NCAM1: variants seen among roughly 807,000 people sequenced by gnomAD.
NCAM1 encodes the protein antigen recognized by monoclonal antibody 5.1H11.
A neutral mutation model predicts 109.8 loss-of-function variants in NCAM1; 14 were observed. The ratio of observed to expected loss-of-function variants is 0.13; its 90% CI spans 0.08 to 0.20. The LOEUF is 0.20. Among genes scored for constraint, NCAM1 ranks in the 10% least tolerant of loss-of-function variants. NCAM1 has a pLI of 1.00. For missense variants in NCAM1, 774 were observed against 1,109.9 expected, an observed-to-expected ratio of 0.70 and a Z score of 4.30; for synonymous variants, 418 against 442.9, an observed-to-expected ratio of 0.94 and a Z score of 0.70.
chr11:113,246,430 C>T (rs1945506027), intron 15 of NCAM1, 60 bp downstream of exon 15: 1 of 715,182 alleles, frequency 1.4e-6, no homozygotes, highest in East Asian at 2.6e-5. Flanking sequence ...GCACATAGGG[C>T]ACACTCATTT....
At chr11:113,001,835 T>C (rs1332708392) in intron 1 of NCAM1, among the ~76,000 whole-genome samples, 2 of 152,164 alleles carry the variant, frequency 1.3e-5, no homozygotes, top group Non-Finnish European at 2.9e-5. Flanking sequence ...AGGTGCAGTA[T>C]TTTAGACATG....
chr11:112,961,683 T>A lies in NCAM1; in HGVS notation c.52+19T>A, dbSNP rs73002342. On this transcript the variant is annotated intron_variant, in intron 1 of 19. Coordinates refer to ENST00000316851, the MANE Select transcript of NCAM1 (RefSeq NM_181351.5). Reference sequence around the variant, plus strand: ...ACTGCAGGTACATTTTTTTTTTTTTTAATTCTCAATCTGGTTTGCTAATTA... The same window carrying A: ...ACTGCAGGTACATTTTTTTTTTTTTAAATTCTCAATCTGGTTTGCTAATTA... The A allele has an allele frequency of 0.079, 106,075 of 1,350,254 alleles. 3,950 individuals are homozygous for A. Among genetic ancestry groups the A allele is most frequent in the Non-Finnish European group, 0.09 (86,954 of 962,968 alleles). 83.6% of individuals were successfully genotyped at this position (1,350,254 alleles called of 1,614,324 possible).
chr11:113,045,430 G>A (rs1004191988), intron 1 of NCAM1, among the ~76,000 whole-genome samples: 16 of 152,132 alleles, frequency 1.1e-4, no homozygotes, highest in Non-Finnish European at 2.2e-4. Flanking sequence ...GGTAAAGGAA[G>A]GAAATGCACT....
intron 1 of NCAM1, among the ~76,000 whole-genome samples, chr11:113,013,915 T>C (rs1952140523): frequency 6.6e-6 from 1 of 152,228 alleles, no homozygotes; most frequent in South Asian, 2.1e-4. Context: ...GCCCAAGATT[T>C]TGATACATGA....
chr11:113,119,041 G>T (rs1464230232), intron 1 of NCAM1, among the ~76,000 whole-genome samples: 1 of 151,860 alleles, frequency 6.6e-6, no homozygotes, highest in Non-Finnish European at 1.5e-5. Context: ...AGTTTTAAAA[G>T]AAGGCAAATG....
At chr11:113,000,849 C>CA (rs1486204277) in intron 1 of NCAM1, among the ~76,000 whole-genome samples, 12 of 5,796 alleles carry the variant, frequency 2.1e-3, no homozygotes, top group African/African-American at 2.9e-3. Context: ...TATATATATA[C>CA]ACAAAAAATA....
chr11:113,083,198 C>T (rs1938922452), intron 1 of NCAM1, among the ~76,000 whole-genome samples: 1 of 152,148 alleles, frequency 6.6e-6, no homozygotes, highest in East Asian at 1.9e-4. Context: ...ACGTGCCATA[C>T]ACTACTAAAC....
intron 1 of NCAM1, among the ~76,000 whole-genome samples, chr11:113,109,076 G>A (rs1331639772): frequency 1.3e-5 from 2 of 150,976 alleles, no homozygotes; most frequent in African/African-American, 2.4e-5. Flanking sequence ...GGCCGGGTGC[G>A]GTGGCTCATG....
At chr11:113,207,152 G>A (rs1270719842) in intron 5 of NCAM1, 109 bp from the exon 6 acceptor site, 8 of 773,864 alleles carry the variant, frequency 1.0e-5, no homozygotes, top group South Asian at 3.4e-5. Flanking sequence ...TGCACACGAC[G>A]TTTGTCCCAC....
chr11:113,145,184 A>G (rs1941972850), intron 1 of NCAM1, among the ~76,000 whole-genome samples: 1 of 152,238 alleles, frequency 6.6e-6, no homozygotes, highest in Non-Finnish European at 1.5e-5. Flanking sequence ...TGCCAATAGC[A>G]GCTGCCTTAT....
chr11:113,037,647 T>C (rs1410732633), intron 1 of NCAM1, among the ~76,000 whole-genome samples: 2 of 152,226 alleles, frequency 1.3e-5, no homozygotes, highest in East Asian at 3.9e-4. Flanking sequence ...CTTACAGCCT[T>C]ACGGTCAGTC....
At chr11:113,257,967 G>A (rs965959967) in intron 16 of NCAM1, among the ~76,000 whole-genome samples, 8 of 152,230 alleles carry the variant, frequency 5.3e-5, no homozygotes, top group Admixed American at 4.6e-4. Flanking sequence ...CATGCAGCAT[G>A]AGCACTGTCA....
chr11:113,158,410 T>C (rs1376098849), intron 1 of NCAM1, among the ~76,000 whole-genome samples: 3 of 152,216 alleles, frequency 2.0e-5, no homozygotes, highest in Admixed American at 6.5e-5. Context: ...CACTACTCAG[T>C]TGCATGAATG....
chr11:113,057,973 G>T (rs782635872), intron 1 of NCAM1, among the ~76,000 whole-genome samples: 2 of 152,106 alleles, frequency 1.3e-5, no homozygotes, highest in Admixed American at 1.3e-4. Flanking sequence ...CCTCAGAGAA[G>T]AGCCTGGTTG....
intron 8 of NCAM1, 102 bp downstream of exon 8, chr11:113,214,613 T>C: frequency 7.4e-7 from 1 of 1,356,736 alleles, no homozygotes; most frequent in Non-Finnish European, 1.0e-6. Flanking sequence ...AGATGGGTTA[T>C]GGTCACCAGA....
In NCAM1 at chr11:112,963,655, G is replaced by A. The variant is rs1335252221; in HGVS notation, c.52+1991G>A. On this transcript the variant is annotated intron_variant, in intron 1 of 19. Transcript: ENST00000316851. This position sits in a 1 kb window ranked among gnomAD's most constrained non-coding sequence, Gnocchi z 4.6. ...GCGACGCGACCTGTCCACATGGGGC[G>A]GGGGAAGGGGGGTGTTTTTGAGACA... Among the ~76,000 whole-genome samples the A allele has an allele frequency of 6.6e-6, 1 of 152,220 alleles. No homozygotes were observed. The highest frequency in any genetic ancestry group is 1.5e-5 in the Non-Finnish European group (1 of 68,040).
chr11:113,236,680 G>T (rs1333073507), intron 14 of NCAM1, among the ~76,000 whole-genome samples: 1 of 152,204 alleles, frequency 6.6e-6, no homozygotes. Context: ...CTCACCTTCA[G>T]CCAGGATGCC....
intron 9 of NCAM1, among the ~76,000 whole-genome samples, chr11:113,230,987 G>A (rs1944987816): frequency 6.6e-6 from 1 of 152,190 alleles, no homozygotes; most frequent in Admixed American, 6.5e-5. Flanking sequence ...AAGGATCCCA[G>A]ACCTGCCTAG....
intron 1 of NCAM1, among the ~76,000 whole-genome samples, chr11:113,121,537 CAAAAAAAAAA>C (rs3051887): frequency 5.4e-5 from 5 of 92,434 alleles, no homozygotes; most frequent in Admixed American, 1.3e-4. Context: ...ACCAATCTTA[CAAAAAAAAAA>C]AAAAAAAAAA....
Sources: gnomAD v4.1 joint callset for allele counts (sites outside exome capture counted in the v4.1 genomes callset) on GRCh38, gnomAD v4.1.1 for gene constraint, Gnocchi (gnomAD v3.1) non-coding constraint, MANE v1.5 for transcripts, NCBI Gene and HGNC (gene_info 2026-07-23, HGNC 2026-07-21) for gene names.